The following CNGA1 variants were observed in gnomAD, a reference collection of about 807,000 sequenced individuals.
The protein encoded by CNGA1 is cyclic nucleotide-gated channel alpha-1.
In CNGA1, 53 loss-of-function variants were observed where a neutral mutation model predicts 69.7. The observed-to-expected ratio is 0.76, with a 90% CI of 0.61 to 0.96. CNGA1 has a LOEUF of 0.96. CNGA1 is among the 40% of genes least tolerant of loss of function. The probability of loss-of-function intolerance (pLI) is 0.00; values close to 1 mark genes in which losing one functional copy is unlikely to be tolerated. For synonymous variants in CNGA1, 249 were observed against 283.5 expected (o/e 0.88, Z 1.22); for missense variants, 739 against 811.2 (o/e 0.91, Z 1.08).
At chr4:48,008,892 G>T (rs1349803009) in intron 2 of CNGA1, among the ~76,000 whole-genome samples, 1 of 152,112 alleles carries the variant, frequency 6.6e-6, no homozygotes, top group Non-Finnish European at 1.5e-5. Flanking sequence ...ACTGCCTAAT[G>T]CCACAATATC....
chr4:47,937,386 C>T lies in CNGA1; in HGVS notation c.1096G>A (p.Val366Met), dbSNP rs758625358. 45 of 1,613,952 alleles carry T rather than the reference C, an allele frequency of 2.8e-5. No homozygotes were observed. The highest frequency in any genetic ancestry group is 8.9e-5 in the East Asian group (4 of 44,894). ...ACAAAGACATACTCAGAATCCCTCA[C>T]GGGAGGGGGTGTTTCACCAATGGTA... is the stretch of plus-strand genomic sequence containing the variant. ...LTTIGETPPP[V>M]RDSEYVFVVV... Residue 366 changes from valine to methionine, a missense_variant, in exon 11 of 11, where the codon GTG (valine) becomes ATG (methionine). Coordinates refer to ENST00000514170, the MANE Select transcript of CNGA1 (RefSeq NM_001379270.1).
intron 2 of CNGA1, among the ~76,000 whole-genome samples, chr4:48,001,798 TCTC>T (rs1202654393): frequency 1.3e-5 from 2 of 151,844 alleles, no homozygotes; most frequent in African/African-American, 4.8e-5. Context: ...ATAAACCAAA[TCTC>T]AACACATTTC....
intron 2 of CNGA1, among the ~76,000 whole-genome samples, chr4:47,984,650 ATAT>A (rs1179278419): frequency 7.0e-4 from 64 of 90,834 alleles, no homozygotes; most frequent in East Asian, 4.5e-3. Context: ...TAAAAAAAAT[ATAT>A]ATATATATAT....
chr4:47,943,579 G>A (rs374429703), intron 6 of CNGA1, among the ~76,000 whole-genome samples, 167 bp from the exon 7 acceptor site: 2 of 151,856 alleles, frequency 1.3e-5, no homozygotes, highest in South Asian at 4.2e-4. Flanking sequence ...GTGGGGGGTG[G>A]GGCAGACAAT....
chr4:47,993,477 G>A (rs1423856523), intron 2 of CNGA1, among the ~76,000 whole-genome samples: 1 of 152,112 alleles, frequency 6.6e-6, no homozygotes, highest in Non-Finnish European at 1.5e-5. Flanking sequence ...TGTGTGTAAA[G>A]GCGTTCATAG....
At chr4:47,950,039 A>T in intron 5 of CNGA1, 144 bp from the exon 6 acceptor site, 1 of 716,270 alleles carries the variant, frequency 1.4e-6, no homozygotes. Context: ...TTTCAAAAAC[A>T]TATTATGAAG....
chr4:47,966,886 A>G (rs1039500084), intron 3 of CNGA1, among the ~76,000 whole-genome samples: 1 of 152,222 alleles, frequency 6.6e-6, no homozygotes, highest in Non-Finnish European at 1.5e-5. Context: ...CAAATGTAGA[A>G]ATGCAGAAAT....
At chr4:47,988,873 G>A (rs1742108747) in intron 2 of CNGA1, among the ~76,000 whole-genome samples, 1 of 151,792 alleles carries the variant, frequency 6.6e-6, no homozygotes, top group African/African-American at 2.4e-5. Context: ...CGGTTTGGTT[G>A]AAAAAAATCC....
chr4:47,995,832 G>T (rs574907722), intron 2 of CNGA1, among the ~76,000 whole-genome samples: 6 of 152,168 alleles, frequency 3.9e-5, no homozygotes, highest in African/African-American at 1.4e-4. Context: ...TGCCCCACAG[G>T]GTGTTCCCTT....
chr4:47,986,401 CAA>C (rs79811881), intron 2 of CNGA1, among the ~76,000 whole-genome samples: 6 of 137,138 alleles, frequency 4.4e-5, no homozygotes, highest in Non-Finnish European at 1.6e-5. Context: ...GACTCTATTT[CAA>C]AAAAAAAAAA....
At chr4:47,995,228 G>T (rs1742432448) in intron 2 of CNGA1, among the ~76,000 whole-genome samples, 1 of 152,072 alleles carries the variant, frequency 6.6e-6, no homozygotes, top group African/African-American at 2.4e-5. Flanking sequence ...TAGGTCTCTA[G>T]CAAGGCCATG....
intron 3 of CNGA1, among the ~76,000 whole-genome samples, chr4:47,979,939 T>A (rs1439799445): frequency 6.6e-6 from 1 of 152,224 alleles, no homozygotes; most frequent in Non-Finnish European, 1.5e-5. Context: ...TAGGGTCTGT[T>A]ATTTACACTT....
intron 2 of CNGA1, among the ~76,000 whole-genome samples, chr4:47,999,858 A>G (rs1017424493): frequency 2.6e-5 from 4 of 152,174 alleles, no homozygotes; most frequent in Non-Finnish European, 5.9e-5. Flanking sequence ...GGTGACAGAG[A>G]GAGATTTCAT....
At chr4:47,965,813 T>G (rs1328947545) in intron 3 of CNGA1, among the ~76,000 whole-genome samples, 5 of 152,170 alleles carry the variant, frequency 3.3e-5, no homozygotes, top group African/African-American at 1.2e-4. Flanking sequence ...AAAGGTAAAA[T>G]TACTCTGTAG....
intron 2 of CNGA1, among the ~76,000 whole-genome samples, chr4:47,989,795 C>T (rs1028044225): frequency 5.3e-5 from 8 of 151,620 alleles, no homozygotes; most frequent in African/African-American, 1.7e-4. Flanking sequence ...TCCCTCACCC[C>T]CTTCCCACCC....
intron 2 of CNGA1, among the ~76,000 whole-genome samples, chr4:47,991,511 T>C (rs1444979908): frequency 6.6e-6 from 1 of 151,702 alleles, no homozygotes; most frequent in African/African-American, 2.4e-5. Flanking sequence ...TTTGATGGAA[T>C]TGTTTGTTTT....
At chr4:47,945,673 T>C (rs538239560) in intron 6 of CNGA1, among the ~76,000 whole-genome samples, 30 of 152,316 alleles carry the variant, frequency 2.0e-4, no homozygotes, top group Admixed American at 2.6e-4. Flanking sequence ...GTGAAATGTA[T>C]GTAATTCTTG....
rs772867912 is a variant in CNGA1, at chr4:47,937,154, GT to G, written c.1327del (p.Thr443GlnfsTer8). 23 of 1,613,970 alleles carry G rather than the reference GT, an allele frequency of 1.4e-5. No homozygotes were observed. The highest frequency in any genetic ancestry group is 1.7e-5 in the Non-Finnish European group (20 of 1,180,010). Reference sequence around the variant, plus strand: ...CTTTAAGACTTCTTTCTCATCAACTGTTTTTTTGTTGGTCCACAGGTAGTCA... The same window carrying G: ...CTTTAAGACTTCTTTCTCATCAACTGTTTTTTGTTGGTCCACAGGTAGTCA... ...WFDYLWTNKK[T>X]VDEKEVLKYL... On this transcript the variant is annotated frameshift_variant, in exon 11 of 11. Transcript: ENST00000514170. LOFTEE classifies it high-confidence loss of function.
intron 2 of CNGA1, among the ~76,000 whole-genome samples, chr4:47,994,825 G>A (rs1742415147): frequency 6.6e-6 from 1 of 152,068 alleles, no homozygotes; most frequent in Non-Finnish European, 1.5e-5. Context: ...CCCAGGATTT[G>A]TTTCAATATT....
Sources: allele counts gnomAD v4.1 joint callset (sites outside exome capture counted in the v4.1 genomes callset), GRCh38; gene constraint gnomAD v4.1.1; transcripts MANE v1.5; gene names NCBI Gene and HGNC (gene_info 2026-07-23, HGNC 2026-07-21).